The following COL6A6 variants were observed in gnomAD, a reference collection of about 807,000 sequenced individuals.
COL6A6 encodes collagen alpha-6(VI) chain.
Under a neutral mutation model 208.6 loss-of-function variants are expected in COL6A6, and 183 were observed. The ratio of observed to expected loss-of-function variants is 0.88; its 90% confidence interval spans 0.78 to 0.99. COL6A6 has a LOEUF of 0.99. Ranked by LOEUF, COL6A6 falls within the 50% of genes least tolerant of loss-of-function variation. The pLI, the probability that COL6A6 is intolerant of heterozygous loss-of-function variation, is 0.00. For missense variants in COL6A6, 2,816 were observed against 2,815.2 expected (o/e 1.00, Z -0.01); for synonymous variants, 973 against 1,011.8 (o/e 0.96, Z 0.73).
intron 23 of COL6A6, among the ~76,000 whole-genome samples, chr3:130,619,656 T>C (rs1294557490): frequency 6.6e-6 from 1 of 152,144 alleles, no homozygotes; most frequent in African/African-American, 2.4e-5. Flanking sequence ...GCCAAGAATT[T>C]AGGCAGGATG....
intron 7 of COL6A6, 96 bp from the exon 8 acceptor site, chr3:130,573,860 C>T (rs1467346773): frequency 6.5e-5 from 57 of 878,214 alleles, no homozygotes; most frequent in African/African-American, 8.5e-5. Flanking sequence ...TGAGCCACCG[C>T]GCCCGGCCTA....
intron 35 of COL6A6, 47 bp downstream of exon 35, chr3:130,662,355 G>T (rs1348025519): frequency 6.5e-7 from 1 of 1,535,738 alleles, no homozygotes; most frequent in South Asian, 1.2e-5. Flanking sequence ...AATATACTTG[G>T]TATTACTAAA....
intron 12 of COL6A6, chr3:130,589,873 G>C (rs186249663): frequency 3.4e-6 from 1 of 292,886 alleles, no homozygotes; most frequent in African/African-American, 2.2e-5. Flanking sequence ...TTTTATTTTT[G>C]AATAATTTAT....
At position 130,586,475 on chromosome 3, in the gene COL6A6, C is replaced by T. The variant is rs573120378; in HGVS notation, c.3971-31C>T. The T allele has an allele frequency of 1.4e-4, 215 of 1,580,724 alleles. No individual in the cohort carries two copies. The South Asian group carries it at 2.4e-3, about 18-fold the overall frequency. ...AAAACTAAAGTAACCAAACCCACCTCACCTGGAACATTGTAAACTGTGTTG... is the reference window on the plus strand; with the variant it reads ...AAAACTAAAGTAACCAAACCCACCTTACCTGGAACATTGTAAACTGTGTTG... On this transcript the variant is annotated intron_variant, in intron 10 of 36. Transcript: ENST00000358511.
chr3:130,565,446 G>A lies in COL6A6; in HGVS notation c.1114G>A (p.Asp372Asn), dbSNP rs375204239. 3.7e-6 allele frequency: 6 copies of A among 1,613,854 alleles called. No homozygotes were observed. In the East Asian group the frequency reaches 6.7e-5, roughly 18 times the overall value. ...CACCCTGGGCATAGAGGGCGCCAGC[G>A]ACACCCAGTTGGAAAAGATAGCATC... ...IFTLGIEGAS[D>N]TQLEKIASHP... The change falls in exon 4 of 37, where the codon GAC becomes AAC. Residue 372 changes from aspartate (D) to asparagine (N), a missense_variant. Coordinates refer to ENST00000358511, the MANE Select transcript of COL6A6 (RefSeq NM_001102608.3).
At chr3:130,609,083 C>T (rs2064274423) in intron 22 of COL6A6, 119 bp downstream of exon 22, 2 of 737,186 alleles carry the variant, frequency 2.7e-6, no homozygotes, top group African/African-American at 1.8e-5. Context: ...TTAAAGTTCT[C>T]ATGGTAATAA....
chr3:130,586,827 T>C (rs1160078290), intron 11 of COL6A6, among the ~76,000 whole-genome samples, 167 bp downstream of exon 11: 1 of 152,142 alleles, frequency 6.6e-6, no homozygotes, highest in Non-Finnish European at 1.5e-5. Context: ...GGAAGAAATG[T>C]AATACAGTAA....
intron 1 of COL6A6, among the ~76,000 whole-genome samples, chr3:130,540,915 A>T (rs1559965358): frequency 6.6e-6 from 1 of 152,184 alleles, no homozygotes; most frequent in Non-Finnish European, 1.5e-5. Flanking sequence ...ACTGATGGGC[A>T]TTTGGGTTGA....
At chr3:130,528,651 G>A (rs1300464736) in intron 1 of COL6A6, among the ~76,000 whole-genome samples, 1 of 152,160 alleles carries the variant, frequency 6.6e-6, no homozygotes, top group African/African-American at 2.4e-5. Flanking sequence ...TCTGACTCCT[G>A]GGGCAGAATC....
At chr3:130,641,620 A>C (rs759336898) in intron 28 of COL6A6, 32 bp from the exon 29 acceptor site, 2 of 1,245,128 alleles carry the variant, frequency 1.6e-6, no homozygotes. Flanking sequence ...ATATATGTAT[A>C]AATACAATTT....
chr3:130,621,337 T>G (rs2064709062), intron 23 of COL6A6, among the ~76,000 whole-genome samples: 1 of 152,230 alleles, frequency 6.6e-6, no homozygotes, highest in East Asian at 1.9e-4. Flanking sequence ...TTATGCTACC[T>G]AAACATATCT....
chr3:130,621,825 C>T lies in COL6A6; in HGVS notation c.4820C>T (p.Pro1607Leu), dbSNP rs764725422. 1.9e-6 allele frequency: 3 copies of T among 1,613,602 alleles called. No homozygotes were observed. The highest frequency in any genetic ancestry group is 3.3e-5 in the Admixed American group (2 of 59,990). Reference sequence around the variant, plus strand: ...AAACCCCTTGTTTTGTTTCAGGGGCCTCCAGGACCCGGAGGAGAGGCAGGG... The same window carrying T: ...AAACCCCTTGTTTTGTTTCAGGGGCTTCCAGGACCCGGAGGAGAGGCAGGG... ...GGVGSKGPQG[P>L]PGPGGEAGNQ... Residue 1607 changes from proline to leucine, a missense_variant, in exon 24 of 37, where the codon CCT (proline) becomes CTT (leucine). Transcript: ENST00000358511.
chr3:130,527,179 A>G (rs936775198), intron 1 of COL6A6, among the ~76,000 whole-genome samples: 7 of 152,220 alleles, frequency 4.6e-5, no homozygotes, highest in African/African-American at 1.4e-4. Flanking sequence ...CTTGGCACTC[A>G]CGAATGGCAG....
intron 8 of COL6A6, among the ~76,000 whole-genome samples, chr3:130,580,408 T>C (rs1313931412): frequency 6.6e-6 from 1 of 152,246 alleles, no homozygotes; most frequent in Non-Finnish European, 1.5e-5. Context: ...ATAAAATTTT[T>C]GTTTTCCCTC....
Position 130,675,255 on chromosome 3 carries a change from C to T in COL6A6, c.6650C>T (p.Ala2217Val), listed in dbSNP as rs1195337713. ...ATLKEDVLQK[A>V]KFFQDKKYLS... Reference sequence around the variant, plus strand: ...CTCAAAGAAGATGTATTACAGAAGGCAAAATTCTTTCAAGATAAAAAATAT... The same window carrying T: ...CTCAAAGAAGATGTATTACAGAAGGTAAAATTCTTTCAAGATAAAAAATAT... Residue 2217 changes from alanine (A) to valine (V), a missense_variant, in exon 37 of 37, where the codon GCA becomes GTA. Physicochemically the swap from Ala to Val is moderately conservative, Grantham distance 64. Coordinates refer to ENST00000358511, the MANE Select transcript of COL6A6 (RefSeq NM_001102608.3). 2.5e-6 allele frequency: 4 copies of T among 1,586,742 alleles called. No individual in the cohort carries two copies. Among genetic ancestry groups the T allele is most frequent in the African/African-American group, 2.7e-5 (2 of 74,410 alleles).
chr3:130,654,703 C>T (rs1266473917), intron 33 of COL6A6, among the ~76,000 whole-genome samples: 1 of 152,136 alleles, frequency 6.6e-6, no homozygotes, highest in Non-Finnish European at 1.5e-5. Context: ...TGCCTACTGC[C>T]CACATAGAGC....
At chr3:130,531,015 TACACACACACAC>T (rs58738761) in intron 1 of COL6A6, among the ~76,000 whole-genome samples, 8 of 143,862 alleles carry the variant, frequency 5.6e-5, no homozygotes, top group South Asian at 2.3e-4. Flanking sequence ...CCCCCTCCTC[TACACACACACAC>T]ACACACACAC....
rs112984386 is a variant in COL6A6 at position 130,585,981 on chromosome 3, G to T, written c.3971-525G>T. On this transcript the variant is annotated intron_variant, in intron 10 of 36. Coordinates refer to ENST00000358511, the MANE Select transcript of COL6A6 (RefSeq NM_001102608.3). ...ATGTATTTTCTGTTTTTGAGACAGG[G>T]TTTTGCTCTGTTGCCCAGGCTGGGG... 3.6e-3 allele frequency among the ~76,000 whole-genome samples: 551 copies of T among 152,292 alleles called. 1 individual carries two copies. Among genetic ancestry groups the T allele is most frequent in the South Asian group, 0.018 (87 of 4,820 alleles).
intron 2 of COL6A6, 44 bp from the exon 3 acceptor site, chr3:130,563,024 T>G (rs1157236876): frequency 4.2e-6 from 6 of 1,445,496 alleles, no homozygotes; most frequent in African/African-American, 1.4e-5. Flanking sequence ...TGGCAGTAAA[T>G]TTTTTAAAGT....
Sources: allele counts gnomAD v4.1 joint callset (sites outside exome capture counted in the v4.1 genomes callset), GRCh38; gene constraint gnomAD v4.1.1; transcripts MANE v1.5; gene names NCBI Gene and HGNC (gene_info 2026-07-23, HGNC 2026-07-21).